Variants in CELSR1 observed in about 807,000 individuals in gnomAD.
CELSR1 encodes the protein adhesion G protein-coupled receptor C1.
In CELSR1, 110 loss-of-function variants were observed where a neutral mutation model predicts 249.1. The observed-to-expected ratio is 0.44, with a 90% confidence interval of 0.38 to 0.52. The LOEUF is 0.52. Among genes scored for constraint, CELSR1 ranks in the 20% least tolerant of loss-of-function variants. The pLI is 0.00. For missense variants in CELSR1, 4,109 were observed against 4,296.4 expected (o/e 0.96, Z 1.22); for synonymous variants, 2,113 against 1,900.0 (o/e 1.11, Z -2.92).
chr22:46,464,152 G>C lies in CELSR1; in HGVS notation c.3738C>G (p.Asn1246Lys). ...STTKDDVFVFNVQNDTDVSSN... is the reference protein window; with the variant it reads ...STTKDDVFVFKVQNDTDVSSN... ...AGCTGACGTCGGTGTCGTTCTGGACGTTGAAGACGAAGACGTCGTCCTTGG... is the reference window on the plus strand; with the variant it reads ...AGCTGACGTCGGTGTCGTTCTGGACCTTGAAGACGAAGACGTCGTCCTTGG... Residue 1246 changes from asparagine to lysine, a missense_variant, in exon 2 of 35, where the codon AAC becomes AAG. Asn to Lys is a moderately conservative substitution (Grantham distance 94). Around this residue, in one of 7 missense-constraint regions of CELSR1, gnomAD observed 141 missense variants for 209.4 expected, o/e 0.67. Coordinates refer to ENST00000674500, the MANE Select transcript of CELSR1 (RefSeq NM_001378328.1). The surrounding 1 kb of genome is among the most constrained non-coding windows in gnomAD (Gnocchi z 8.5). 1 of 1,613,822 alleles carries C rather than the reference G, an allele frequency of 6.2e-7. No individual in the cohort carries two copies. The highest frequency in any genetic ancestry group is 8.5e-7 in the Non-Finnish European group (1 of 1,180,038).
chr22:46,531,627 G>A (rs955408114), intron 1 of CELSR1, among the ~76,000 whole-genome samples: 5 of 152,200 alleles, frequency 3.3e-5, no homozygotes, highest in Admixed American at 2.0e-4. Context: ...TCTGCGGATC[G>A]TGGTTTAACG....
intron 1 of CELSR1, among the ~76,000 whole-genome samples, chr22:46,511,894 T>TCTGCTCACTG (rs2080577845): frequency 6.6e-6 from 1 of 152,282 alleles, no homozygotes; most frequent in Admixed American, 6.5e-5. Flanking sequence ...GACCCGCCTC[T>TCTGCTCACTG]CTGCTCACTG....
intron 1 of CELSR1, among the ~76,000 whole-genome samples, chr22:46,521,299 C>G (rs5768882): frequency 0.5 from 76,333 of 151,918 alleles, 19,576 homozygotes; most frequent in African/African-American, 0.57. Context: ...GTCAGGAGAT[C>G]GAGACCATCC....
rs771347991 is a variant in CELSR1 at position 46,391,310 on chromosome 22, C to T, written c.6149-23G>A. ...TCACTGGGGTAGAGAAGAGAGAAGT[C>T]TGCTCAGCGGGGCACGCCACACCCA... On this transcript the variant is annotated intron_variant, in intron 15 of 34. Transcript: ENST00000674500. This position sits in a 1 kb window ranked among gnomAD's most constrained non-coding sequence, Gnocchi z 4.3. 5 of 1,606,096 alleles carry T rather than the reference C, an allele frequency of 3.1e-6. No individual in the cohort carries two copies. The South Asian group carries it at 5.5e-5, about 18-fold the overall frequency.
rs2079340559 is a variant in CELSR1 at position 46,411,832 on chromosome 22, CAT to C, written c.4612-75_4612-74del. Reference sequence around the variant, plus strand: ...GCCCTCAGCAGGCGCACCTGTCACTCATAGAGCGAGGAGGACATGGCACAGGG... The same window carrying C: ...GCCCTCAGCAGGCGCACCTGTCACTCAGAGCGAGGAGGACATGGCACAGGG... On this transcript the variant is annotated intron_variant, in intron 5 of 34. Transcript: ENST00000674500. The surrounding 1 kb of genome is among the most constrained non-coding windows in gnomAD (Gnocchi z 4.2). The C allele has an allele frequency of 2.5e-6, 4 of 1,590,148 alleles. No individual in the cohort carries two copies. Among genetic ancestry groups the C allele is most frequent in the Non-Finnish European group, 3.4e-6 (4 of 1,166,858 alleles).
At chr22:46,414,987 A>G (rs1485518684) in intron 5 of CELSR1, among the ~76,000 whole-genome samples, 2 of 152,170 alleles carry the variant, frequency 1.3e-5, no homozygotes, top group African/African-American at 4.8e-5. Flanking sequence ...GGGTCCCGGA[A>G]CACATCGCGC....
chr22:46,457,359 G>T (rs2079968311), intron 2 of CELSR1, among the ~76,000 whole-genome samples: 1 of 151,898 alleles, frequency 6.6e-6, no homozygotes, highest in African/African-American at 2.4e-5. Flanking sequence ...CGGGGAAAAA[G>T]ATTATTCTCG....
At position 46,439,357 on chromosome 22, in the gene CELSR1, T is replaced by C. The variant is rs936081742; in HGVS notation, c.4238A>G (p.Lys1413Arg). 5 of 1,613,872 alleles carry C rather than the reference T, an allele frequency of 3.1e-6. No individual in the cohort carries two copies. In the African/African-American group the frequency reaches 6.7e-5, roughly 22 times the overall value. ...CAGGTTCACGCAGGTGCCCCCGTTC[T>C]TGCACACCCCGTTGGCACAGCGGCC... The part of the protein sequence containing the change: ...RSGRCANGVC[K>R]NGGTCVNLLI... Residue 1413 changes from lysine (K) to arginine (R), a missense_variant, in exon 3 of 35, where the codon AAG (lysine) becomes AGG (arginine). Lys to Arg is a conservative substitution (Grantham distance 26, BLOSUM62 2). This residue lies in a region of CELSR1 where 453 missense variants were observed against 492.0 expected (regional missense o/e 0.92). Transcript: ENST00000674500.
chr22:46,370,356 T>C (rs1259949460), intron 25 of CELSR1: 25 of 329,612 alleles, frequency 7.6e-5, no homozygotes, highest in South Asian at 5.3e-4. Context: ...ACACATACCG[T>C]GTGCAGACAC....
At chr22:46,499,634 G>A (rs1382090882) in intron 1 of CELSR1, among the ~76,000 whole-genome samples, 1 of 152,178 alleles carries the variant, frequency 6.6e-6, no homozygotes, top group African/African-American at 2.4e-5. Flanking sequence ...TGAGTCACAA[G>A]AGCAAGAAAT....
At position 46,398,703 on chromosome 22, in the gene CELSR1, G is replaced by C; in HGVS notation, c.5413-66C>G. On this transcript the variant is annotated intron_variant, in intron 10 of 34. Transcript: ENST00000674500. The surrounding 1 kb of genome is among the most constrained non-coding windows in gnomAD (Gnocchi z 7.2). Reference sequence around the variant, plus strand: ...ACCATCCTAGAAACGTCTCTCAGATGGGAAGGATACACTGGAAGTCTAAAC... The same window carrying C: ...ACCATCCTAGAAACGTCTCTCAGATCGGAAGGATACACTGGAAGTCTAAAC... 7.8e-7 allele frequency: 1 copy of C among 1,280,958 alleles called. No homozygotes were observed. Among genetic ancestry groups the C allele is most frequent in the Non-Finnish European group, 1.1e-6 (1 of 905,000 alleles). 79.3% of individuals were successfully genotyped at this position (1,280,958 alleles called of 1,614,324 possible).
Position 46,423,878 on chromosome 22 carries a change from G to A in CELSR1, c.4611+9515C>T, listed in dbSNP as rs973980078. Among the ~76,000 whole-genome samples, 1 of 151,424 alleles carries A rather than the reference G, an allele frequency of 6.6e-6. No individual in the cohort carries two copies. ...TAATCCCAGCTACTTGGGAGGCTGA[G>A]GGCAGGAGAATGGCTTGAACTCAGG... is the stretch of plus-strand genomic sequence containing the variant. On this transcript the variant is annotated intron_variant, in intron 5 of 34. Coordinates refer to ENST00000674500, the MANE Select transcript of CELSR1 (RefSeq NM_001378328.1). The surrounding 1 kb of genome is among the most constrained non-coding windows in gnomAD (Gnocchi z 5.6).
chr22:46,370,149 T>C lies in CELSR1; in HGVS notation c.7760-345A>G, dbSNP rs764318251. 7 of 470,118 alleles carry C rather than the reference T, an allele frequency of 1.5e-5. 1 individual carries two copies. Among genetic ancestry groups the C allele is most frequent in the South Asian group, 1.1e-4 (7 of 64,662 alleles). 29.1% of individuals were successfully genotyped at this position (470,118 alleles called of 1,614,324 possible). A position where few individuals can be genotyped will look rare whatever the true frequency, so the allele number is the denominator to read the frequency against. On this transcript the variant is annotated intron_variant, in intron 25 of 34. Coordinates refer to ENST00000674500, the MANE Select transcript of CELSR1 (RefSeq NM_001378328.1). ...AGGCAGACGGTGCTTGGGAGGACCCTGCCAGCTGGGCCATGTAGAGGTCAG... is the reference window on the plus strand; with the variant it reads ...AGGCAGACGGTGCTTGGGAGGACCCCGCCAGCTGGGCCATGTAGAGGTCAG...
At chr22:46,372,816 G>T in intron 25 of CELSR1, 67 bp downstream of exon 25, 1 of 1,521,750 alleles carries the variant, frequency 6.6e-7, no homozygotes. Context: ...GGAGGGCAGC[G>T]TTCCTGCACA....
intron 2 of CELSR1, among the ~76,000 whole-genome samples, chr22:46,443,121 G>A (rs1219036356): frequency 6.6e-6 from 1 of 151,902 alleles, no homozygotes; most frequent in Non-Finnish European, 1.5e-5. Context: ...AAAAAAGAAT[G>A]TGTAACTGGC....
Position 46,463,782 on chromosome 22 carries a change from C to A in CELSR1, c.4108G>T (p.Asp1370Tyr). Residue 1370 changes from aspartate to tyrosine, a missense_variant, in exon 2 of 35, where the codon GAC (aspartate) becomes TAC (tyrosine). By Grantham distance (160) the Asp-to-Tyr change is radical. This residue lies in a region of CELSR1 where 453 missense variants were observed against 492.0 expected (regional missense o/e 0.92). Transcript: ENST00000674500. ...CETEIDLCYSDPCGANGRCRS... is the reference protein window; with the variant it reads ...CETEIDLCYSYPCGANGRCRS... Reference sequence around the variant, plus strand: ...CAGCGGCCGTTGGCGCCGCACGGGTCGGAGTAGCAGAGGTCGATCTCCGTC... The same window carrying A: ...CAGCGGCCGTTGGCGCCGCACGGGTAGGAGTAGCAGAGGTCGATCTCCGTC... The A allele has an allele frequency of 6.3e-7, 1 of 1,595,984 alleles. No homozygotes were observed. The highest frequency in any genetic ancestry group is 8.5e-7 in the Non-Finnish European group (1 of 1,171,408).
chr22:46,439,523 A>G (rs1438708704), intron 2 of CELSR1, 112 bp from the exon 3 acceptor site: 1 of 830,380 alleles, frequency 1.2e-6, no homozygotes, highest in African/African-American at 1.7e-5. Flanking sequence ...AGCTGCTGAA[A>G]GAAAACCCGA....
intron 1 of CELSR1, among the ~76,000 whole-genome samples, chr22:46,467,824 A>G (rs747472269): frequency 1.1e-4 from 17 of 151,856 alleles, no homozygotes; most frequent in Non-Finnish European, 2.4e-4. Context: ...TCCATCTCAA[A>G]AAAAAGAAAA....
In CELSR1 at chr22:46,402,818, A is replaced by C. The variant is rs767062435; in HGVS notation, c.5227-2916T>G. The stretch of plus-strand genomic sequence containing the variant: ...AAGAAGAATCAGAAAACAAGGTTGT[A>C]ACTAACCTAAGATGCTCATATTTAA... On this transcript the variant is annotated intron_variant, in intron 9 of 34. Transcript: ENST00000674500. The surrounding 1 kb of genome is among the most constrained non-coding windows in gnomAD (Gnocchi z 5.0). 3.3e-5 allele frequency among the ~76,000 whole-genome samples: 5 copies of C among 152,220 alleles called. No homozygotes were observed. Among genetic ancestry groups the C allele is most frequent in the Non-Finnish European group, 5.9e-5 (4 of 68,042 alleles).
Sources: allele counts gnomAD v4.1 joint callset (sites outside exome capture counted in the v4.1 genomes callset), GRCh38; gene constraint gnomAD v4.1.1; regional missense constraint gnomAD v4.1.1; non-coding constraint Gnocchi (gnomAD v3.1); transcripts MANE v1.5; gene names NCBI Gene and HGNC (gene_info 2026-07-23, HGNC 2026-07-21).